Variants in STPG2 observed in about 807,000 individuals in gnomAD.
STPG2 encodes the protein sperm-tail PG-rich repeat-containing protein 2.
STPG2 carries 56 observed loss-of-function variants against 54.2 expected under a neutral mutation model. That is an observed-to-expected ratio of 1.03 (90% CI 0.83 to 1.29). The LOEUF is 1.29. Among genes scored for constraint, STPG2 ranks in the 50% most tolerant of loss-of-function variants. The pLI is 0.00. For synonymous variants in STPG2, 200 were observed against 181.8 expected (o/e 1.10, Z -0.81); for missense variants, 596 against 544.9 (o/e 1.09, Z -0.93).
chr4:97,651,786 G>A (rs1203283430), intron 10 of STPG2, among the ~76,000 whole-genome samples: 1 of 151,836 alleles, frequency 6.6e-6, no homozygotes, highest in African/African-American at 2.4e-5. Flanking sequence ...AGAGAAGTTT[G>A]AATATGAAAA....
intron 10 of STPG2, among the ~76,000 whole-genome samples, chr4:97,604,877 G>A (rs1456573936): frequency 6.6e-6 from 1 of 151,516 alleles, no homozygotes; most frequent in African/African-American, 2.4e-5. Context: ...AATCTGTCTA[G>A]TATTCTTTAA....
chr4:97,570,401 T>C (rs1474155566), intron 10 of STPG2, among the ~76,000 whole-genome samples: 1 of 152,060 alleles, frequency 6.6e-6, no homozygotes, highest in African/African-American at 2.4e-5. Flanking sequence ...TTCCCCAAAA[T>C]ATAAATGATT....
intron 4 of STPG2, among the ~76,000 whole-genome samples, chr4:97,464,473 G>A (rs187701468): frequency 1.3e-5 from 2 of 152,278 alleles, no homozygotes; most frequent in East Asian, 3.9e-4. Context: ...TTGGAGTGCA[G>A]TGGTGTGATC....
chr4:97,900,976 T>A lies in STPG2; in HGVS notation c.1044+42921A>T, dbSNP rs551608199. 3.3e-5 allele frequency among the ~76,000 whole-genome samples: 5 copies of A among 152,124 alleles called. No individual in the cohort carries two copies. The East Asian group carries it at 9.6e-4, about 29-fold the overall frequency. On this transcript the variant is annotated intron_variant, in intron 8 of 10. Coordinates refer to ENST00000295268, the MANE Select transcript of STPG2 (RefSeq NM_174952.3). The stretch of plus-strand genomic sequence containing the variant: ...TGAAAATAACCTTTAAACTTTCTTA[T>A]TTTGTTTTGATTTTGCAAATCAGGC...
In STPG2 at chr4:97,776,995, C is replaced by A. The variant is rs1016261994; in HGVS notation, c.1204+63778G>T. On this transcript the variant is annotated intron_variant, in intron 9 of 10. Coordinates refer to ENST00000295268, the MANE Select transcript of STPG2 (RefSeq NM_174952.3). ...AATAATGTCAATCTATGCTGCCTAC[C>A]TCACAAGTTTCTTTTAAGAATTAAA... Among the ~76,000 whole-genome samples the A allele has an allele frequency of 1.4e-4, 22 of 152,202 alleles. No individual in the cohort carries two copies. The East Asian group carries it at 3.3e-3, about 23-fold the overall frequency.
intron 9 of STPG2, among the ~76,000 whole-genome samples, chr4:97,756,207 AT>A (rs1282705283): frequency 6.6e-6 from 1 of 152,136 alleles, no homozygotes; most frequent in Non-Finnish European, 1.5e-5. Context: ...GTACATTATG[AT>A]GTTTTGTTGT....
At chr4:97,626,601 A>G (rs1222079129) in intron 10 of STPG2, among the ~76,000 whole-genome samples, 2 of 152,082 alleles carry the variant, frequency 1.3e-5, no homozygotes, top group Non-Finnish European at 2.9e-5. Flanking sequence ...TCTAGTATTT[A>G]TGGGGAGTCT....
intron 9 of STPG2, among the ~76,000 whole-genome samples, chr4:97,718,387 A>T (rs1392005763): frequency 6.6e-6 from 1 of 152,040 alleles, no homozygotes; most frequent in East Asian, 1.9e-4. Context: ...TTGGATTTGA[A>T]TCTGCTGCTA....
intron 5 of STPG2, among the ~76,000 whole-genome samples, chr4:98,022,721 T>C (rs1180425724): frequency 2.0e-5 from 3 of 152,202 alleles, no homozygotes; most frequent in African/African-American, 7.2e-5. Flanking sequence ...CCGTTTCTTT[T>C]TATTCTTTTT....
At chr4:97,639,441 G>A (rs188973684) in intron 10 of STPG2, among the ~76,000 whole-genome samples, 4,696 of 151,226 alleles carry the variant, frequency 0.031, 78 homozygotes, top group Non-Finnish European at 0.048. Context: ...ACATGTATAC[G>A]TATGTAACTA....
At chr4:97,654,457 A>G (rs1341236764) in intron 10 of STPG2, among the ~76,000 whole-genome samples, 1 of 152,004 alleles carries the variant, frequency 6.6e-6, no homozygotes, top group African/African-American at 2.4e-5. Context: ...ATATGCATCA[A>G]TCCGACAATT....
chr4:97,577,858 C>T (rs1732761988), intron 10 of STPG2, among the ~76,000 whole-genome samples: 1 of 152,026 alleles, frequency 6.6e-6, no homozygotes, highest in Non-Finnish European at 1.5e-5. Context: ...TTAATTTCAA[C>T]AATAACTGTC....
At chr4:97,903,019 C>A (rs898563639) in intron 8 of STPG2, among the ~76,000 whole-genome samples, 1 of 152,056 alleles carries the variant, frequency 6.6e-6, no homozygotes, top group East Asian at 1.9e-4. Context: ...CTTAAAAAGT[C>A]AAACTCATAG....
At chr4:97,765,582 T>C (rs920991365) in intron 9 of STPG2, among the ~76,000 whole-genome samples, 4 of 152,088 alleles carry the variant, frequency 2.6e-5, no homozygotes, top group Non-Finnish European at 5.9e-5. Context: ...TCCAACTGAG[T>C]CCTAAAATGA....
At chr4:97,860,682 G>T (rs1729496768) in intron 8 of STPG2, among the ~76,000 whole-genome samples, 2 of 151,974 alleles carry the variant, frequency 1.3e-5, no homozygotes, top group African/African-American at 4.8e-5. Flanking sequence ...TTTTGGATGA[G>T]TCGTTGGGGT....
chr4:97,848,203 C>A (rs1206228816), intron 8 of STPG2, among the ~76,000 whole-genome samples: 1 of 152,114 alleles, frequency 6.6e-6, no homozygotes, highest in Non-Finnish European at 1.5e-5. Context: ...ATTAAGCATT[C>A]TTGAGAACCC....
intron 10 of STPG2, among the ~76,000 whole-genome samples, chr4:97,626,751 T>G (rs1734148020): frequency 6.6e-6 from 1 of 152,092 alleles, no homozygotes. Context: ...TCCATATACT[T>G]TTACTTATAA....
chr4:97,813,603 A>G (rs1727809399), intron 9 of STPG2, among the ~76,000 whole-genome samples: 2 of 141,536 alleles, frequency 1.4e-5, no homozygotes, highest in African/African-American at 5.2e-5. Flanking sequence ...GCTACTCAGG[A>G]GTCTGAAACA....
chr4:97,733,026 C>T (rs552166929), intron 9 of STPG2, among the ~76,000 whole-genome samples: 18 of 152,214 alleles, frequency 1.2e-4, no homozygotes, highest in Non-Finnish European at 2.5e-4. Context: ...AAAACAGTAT[C>T]GAGATTCCTT....
Sources: gnomAD v4.1 joint callset for allele counts (sites outside exome capture counted in the v4.1 genomes callset) on GRCh38, gnomAD v4.1.1 for gene constraint, MANE v1.5 for transcripts, NCBI Gene and HGNC (gene_info 2026-07-23, HGNC 2026-07-21) for gene names.